ELAPOR2: variants seen among roughly 807,000 people sequenced by gnomAD.
The protein encoded by ELAPOR2 is endosome/lysosome-associated apoptosis and autophagy regulator family member 2.
Under a neutral mutation model 120.7 loss-of-function variants are expected in ELAPOR2, and 89 were observed. That is an observed-to-expected ratio of 0.74 (90% CI 0.62 to 0.88). The LOEUF is 0.88. Among genes scored for constraint, ELAPOR2 ranks in the 40% least tolerant of loss-of-function variants. The pLI, the probability that ELAPOR2 is intolerant of heterozygous loss-of-function variation, is 0.00. For missense variants in ELAPOR2, 1,134 were observed against 1,251.6 expected, an observed-to-expected ratio of 0.91 and a Z score of 1.42; for synonymous variants, 444 against 444.9, an observed-to-expected ratio of 1.00 and a Z score of 0.03.
chr7:87,010,971 A>G (rs182461688), intron 1 of ELAPOR2, among the ~76,000 whole-genome samples: 22 of 152,264 alleles, frequency 1.4e-4, no homozygotes, highest in Admixed American at 1.4e-3. Context: ...TAAATTTTTA[A>G]AAAGAAAATA....
chr7:86,926,919 A>AC lies in ELAPOR2; in HGVS notation c.1090-4dup. 2 of 1,195,226 alleles carry AC rather than the reference A, an allele frequency of 1.7e-6. No individual in the cohort carries two copies. The highest frequency in any genetic ancestry group is 2.7e-5 in the South Asian group (1 of 36,526). 74.0% of individuals were successfully genotyped at this position (1,195,226 alleles called of 1,614,324 possible). The stretch of plus-strand genomic sequence containing the variant: ...ATCCACTTGTACATTATCTGTGTCT[A>AC]CAAAAAAAAAAAAAAAAAAAAAGCA... On this transcript the variant is annotated splice_polypyrimidine_tract_variant and splice_region_variant and intron_variant, in intron 8 of 21. Coordinates refer to ENST00000450689, the MANE Select transcript of ELAPOR2 (RefSeq NM_001142749.3).
intron 18 of ELAPOR2, among the ~76,000 whole-genome samples, chr7:86,905,182 A>AG (rs1788944165): frequency 1.4e-5 from 2 of 143,446 alleles, no homozygotes; most frequent in Non-Finnish European, 3.1e-5. Context: ...GAAAGAGAGA[A>AG]AGAGAGAGAG....
chr7:86,945,668 G>C (rs1790969460), intron 3 of ELAPOR2, among the ~76,000 whole-genome samples: 1 of 152,104 alleles, frequency 6.6e-6, no homozygotes, highest in Non-Finnish European at 1.5e-5. Context: ...TAACTATGCT[G>C]TTGTAAAATT....
intron 1 of ELAPOR2, among the ~76,000 whole-genome samples, chr7:87,050,282 T>A (rs1466671851): frequency 6.6e-6 from 1 of 152,148 alleles, no homozygotes; most frequent in Non-Finnish European, 1.5e-5. Flanking sequence ...TAATCCCCAA[T>A]GCTGAAGATG....
At position 86,910,016 on chromosome 7, in the gene ELAPOR2, T is replaced by C. The variant is rs1245774887; in HGVS notation, c.2170-15A>G. The C allele has an allele frequency of 2.5e-6, 4 of 1,594,256 alleles. No homozygotes were observed. Among genetic ancestry groups the C allele is most frequent in the Non-Finnish European group, 3.4e-6 (4 of 1,169,158 alleles). On this transcript the variant is annotated splice_polypyrimidine_tract_variant and intron_variant, in intron 15 of 21. Transcript: ENST00000450689. ...ATCTTCTTCCCCTAGGAAAATAAAG[T>C]CATAAAAGAAAGGTTTTATTGGATG... is the stretch of plus-strand genomic sequence containing the variant.
In ELAPOR2 at chr7:87,006,685, C is replaced by T. The variant is rs112504056; in HGVS notation, c.190-41661G>A. 5.5e-3 allele frequency among the ~76,000 whole-genome samples: 839 copies of T among 152,236 alleles called. 9 individuals are homozygous for T. The highest frequency in any genetic ancestry group is 0.019 in the African/African-American group (798 of 41,532). On this transcript the variant is annotated intron_variant, in intron 1 of 21. Coordinates refer to ENST00000450689, the MANE Select transcript of ELAPOR2 (RefSeq NM_001142749.3). ...AATAAACACCTATCCAATGGTCCAG[C>T]CATTCTACTCAAGATTTTACCCAAA...
chr7:87,010,138 T>C (rs1365297413), intron 1 of ELAPOR2, among the ~76,000 whole-genome samples: 1 of 152,230 alleles, frequency 6.6e-6, no homozygotes, highest in Non-Finnish European at 1.5e-5. Flanking sequence ...AAAGCTTCAG[T>C]CTACAACTGA....
chr7:86,984,795 C>T (rs1010684234), intron 1 of ELAPOR2, among the ~76,000 whole-genome samples: 6 of 152,106 alleles, frequency 3.9e-5, no homozygotes, highest in African/African-American at 1.4e-4. Flanking sequence ...CAAGAACAAA[C>T]ACATTCAAAA....
intron 1 of ELAPOR2, among the ~76,000 whole-genome samples, chr7:86,998,340 AG>A (rs1793192677): frequency 6.6e-6 from 1 of 152,174 alleles, no homozygotes; most frequent in Admixed American, 6.5e-5. Flanking sequence ...CTCCACTGCA[AG>A]TCTTAAAAAA....
At chr7:87,028,404 C>A (rs1045397411) in intron 1 of ELAPOR2, among the ~76,000 whole-genome samples, 2 of 152,130 alleles carry the variant, frequency 1.3e-5, no homozygotes, top group African/African-American at 4.8e-5. Context: ...GGGACACCAT[C>A]GTCCATTGGT....
At chr7:86,971,830 G>A (rs1792117327) in intron 1 of ELAPOR2, among the ~76,000 whole-genome samples, 1 of 151,990 alleles carries the variant, frequency 6.6e-6, no homozygotes, top group African/African-American at 2.4e-5. Context: ...CATAATTGAA[G>A]GTACCAAAAA....
At chr7:87,015,616 G>C (rs1394025560) in intron 1 of ELAPOR2, among the ~76,000 whole-genome samples, 2 of 151,966 alleles carry the variant, frequency 1.3e-5, no homozygotes, top group Non-Finnish European at 2.9e-5. Context: ...GTGAAACCCT[G>C]CCTCTACTAA....
chr7:86,973,266 G>A (rs1476739599), intron 1 of ELAPOR2, among the ~76,000 whole-genome samples: 3 of 152,146 alleles, frequency 2.0e-5, no homozygotes, highest in East Asian at 3.9e-4. Flanking sequence ...ATTCATTCTC[G>A]ATCTGCTGCT....
At chr7:87,046,539 A>T (rs1043135943) in intron 1 of ELAPOR2, among the ~76,000 whole-genome samples, 1 of 152,212 alleles carries the variant, frequency 6.6e-6, no homozygotes, top group Non-Finnish European at 1.5e-5. Context: ...CTCATTTCAA[A>T]TTATAATCCC....
chr7:87,017,293 T>C (rs1288968405), intron 1 of ELAPOR2, among the ~76,000 whole-genome samples: 3 of 152,206 alleles, frequency 2.0e-5, no homozygotes, highest in African/African-American at 7.2e-5. Context: ...ACATTGTTTA[T>C]TATGAACTGT....
intron 1 of ELAPOR2, among the ~76,000 whole-genome samples, chr7:86,967,910 T>C (rs1791971507): frequency 1.3e-5 from 2 of 152,216 alleles, no homozygotes; most frequent in African/African-American, 4.8e-5. Flanking sequence ...TGCAAACCTA[T>C]TTCATGCAGA....
intron 1 of ELAPOR2, among the ~76,000 whole-genome samples, chr7:87,020,443 T>C (rs1338115984): frequency 6.6e-6 from 1 of 152,078 alleles, no homozygotes; most frequent in Non-Finnish European, 1.5e-5. Flanking sequence ...TTTTCAGACA[T>C]AGGAGTAAAG....
chr7:86,923,772 A>G (rs1789935059), intron 10 of ELAPOR2, among the ~76,000 whole-genome samples: 1 of 152,074 alleles, frequency 6.6e-6, no homozygotes, highest in South Asian at 2.1e-4. Flanking sequence ...CTATTTTTGG[A>G]TATTTCAATT....
chr7:86,929,015 G>A (rs1222008668), intron 8 of ELAPOR2, among the ~76,000 whole-genome samples: 1 of 151,658 alleles, frequency 6.6e-6, no homozygotes, highest in Non-Finnish European at 1.5e-5. Flanking sequence ...TCATTCTTTG[G>A]CAAGTTGAGA....
Sources: gnomAD v4.1 joint callset for allele counts (sites outside exome capture counted in the v4.1 genomes callset) on GRCh38, gnomAD v4.1.1 for gene constraint, MANE v1.5 for transcripts, NCBI Gene and HGNC (gene_info 2026-07-23, HGNC 2026-07-21) for gene names.